Variants in IGSF21 observed in about 807,000 individuals in gnomAD.
IGSF21 encodes the protein immunoglobulin superfamily member 21.
A neutral mutation model predicts 46.8 loss-of-function variants in IGSF21; 28 were observed. That is an observed-to-expected ratio of 0.60 (90% CI 0.44 to 0.82). The LOEUF is 0.82. IGSF21 is among the 40% of genes least tolerant of loss of function. The pLI is 0.00. For missense variants in IGSF21, 624 were observed against 665.5 expected (o/e 0.94, Z 0.69); for synonymous variants, 284 against 273.6 (o/e 1.04, Z -0.38).
At chr1:18,273,050 T>TC in intron 2 of IGSF21, among the ~76,000 whole-genome samples, 1 of 145,282 alleles carries the variant, frequency 6.9e-6, no homozygotes, top group Non-Finnish European at 1.5e-5. Context: ...TTTTTTTTTT[T>TC]TTTTTTTTTT....
intron 1 of IGSF21, among the ~76,000 whole-genome samples, chr1:18,129,762 T>C (rs1339181174): frequency 2.0e-5 from 3 of 152,220 alleles, no homozygotes; most frequent in Non-Finnish European, 4.4e-5. Context: ...TGTTGAAATT[T>C]AATTGCCATT....
At chr1:18,310,485 A>G (rs182875355) in intron 3 of IGSF21, among the ~76,000 whole-genome samples, 1 of 152,234 alleles carries the variant, frequency 6.6e-6, no homozygotes, top group East Asian at 1.9e-4. Flanking sequence ...TAGTTTATTT[A>G]CCTATTCTCC....
At chr1:18,151,697 A>G (rs867080027) in intron 1 of IGSF21, among the ~76,000 whole-genome samples, 3 of 151,950 alleles carry the variant, frequency 2.0e-5, no homozygotes, top group South Asian at 4.2e-4. Flanking sequence ...CATGGACCAC[A>G]ACTGACTCAC....
intron 1 of IGSF21, among the ~76,000 whole-genome samples, chr1:18,138,024 T>C (rs1269136669): frequency 6.6e-6 from 1 of 152,130 alleles, no homozygotes; most frequent in Non-Finnish European, 1.5e-5. Context: ...GGCCATCTTC[T>C]TTCTCTCCCT....
At chr1:18,369,844 G>A (rs1244161415) in intron 6 of IGSF21, among the ~76,000 whole-genome samples, 2 of 152,170 alleles carry the variant, frequency 1.3e-5, no homozygotes, top group African/African-American at 4.8e-5. Context: ...AGCTGTTTGT[G>A]CCTCTTCTCA....
chr1:18,339,774 C>T (rs1239458689), intron 4 of IGSF21, among the ~76,000 whole-genome samples: 1 of 152,180 alleles, frequency 6.6e-6, no homozygotes, highest in Non-Finnish European at 1.5e-5. Context: ...CAACGAATTC[C>T]GATGGATGGG....
intron 3 of IGSF21, among the ~76,000 whole-genome samples, chr1:18,318,716 A>C (rs1179893708): frequency 6.6e-6 from 1 of 152,166 alleles, no homozygotes; most frequent in Admixed American, 6.5e-5. Context: ...CTTACAAACC[A>C]GGGACTCACA....
rs565369509 is a variant in IGSF21, at chr1:18,275,305, G to A, written c.184-16561G>A. On this transcript the variant is annotated intron_variant, in intron 2 of 9. Coordinates refer to ENST00000251296, the MANE Select transcript of IGSF21 (RefSeq NM_032880.5). ...CCAGGGATCTAAGCTGGGGCTTGGC[G>A]TCTCCAATCCCCAAGCCAAACCTCC... Among the ~76,000 whole-genome samples, 27 of 152,216 alleles carry A rather than the reference G, an allele frequency of 1.8e-4. No individual in the cohort carries two copies. The South Asian group carries it at 5.6e-3, about 32-fold the overall frequency.
intron 1 of IGSF21, among the ~76,000 whole-genome samples, chr1:18,202,058 C>G (rs774644347): frequency 6.6e-6 from 1 of 152,204 alleles, no homozygotes; most frequent in African/African-American, 2.4e-5. Context: ...CTTCCCAGCT[C>G]ATTTCTGCTT....
At chr1:18,200,891 G>A (rs1015071173) in intron 1 of IGSF21, among the ~76,000 whole-genome samples, 1 of 152,306 alleles carries the variant, frequency 6.6e-6, no homozygotes, top group Admixed American at 6.5e-5. Flanking sequence ...GCCCCATGAG[G>A]AGGGATAATG....
intron 8 of IGSF21, 91 bp downstream of exon 8, chr1:18,377,083 C>T: frequency 7.1e-7 from 1 of 1,406,436 alleles, no homozygotes; most frequent in Non-Finnish European, 9.5e-7. Context: ...CAGTAGGGGC[C>T]CAAAATTTTG....
intron 2 of IGSF21, among the ~76,000 whole-genome samples, chr1:18,270,255 G>C (rs1281205025): frequency 6.6e-6 from 1 of 152,176 alleles, no homozygotes; most frequent in African/African-American, 2.4e-5. Flanking sequence ...CTCCTTTGAA[G>C]ACCTCAATTT....
chr1:18,328,892 G>A (rs2085684440), intron 3 of IGSF21, among the ~76,000 whole-genome samples: 1 of 152,166 alleles, frequency 6.6e-6, no homozygotes, highest in South Asian at 2.1e-4. Flanking sequence ...AACTCGTGTG[G>A]GGCGTGGAGA....
rs79443663 is a variant in IGSF21, at chr1:18,167,399, T to A, written c.70+59201T>A. Reference sequence around the variant, plus strand: ...CCAAGACTTGAAAAGGTGAAATTGTTTACCCAAAGTCCAACTAGGAACTAG... The same window carrying A: ...CCAAGACTTGAAAAGGTGAAATTGTATACCCAAAGTCCAACTAGGAACTAG... On this transcript the variant is annotated intron_variant, in intron 1 of 9. Coordinates refer to ENST00000251296, the MANE Select transcript of IGSF21 (RefSeq NM_032880.5). Among the ~76,000 whole-genome samples, 481 of 152,190 alleles carry A rather than the reference T, an allele frequency of 3.2e-3. 1 individual carries two copies. The highest frequency in any genetic ancestry group is 0.011 in the African/African-American group (453 of 41,542).
At chr1:18,318,209 AT>A (rs1367068129) in intron 3 of IGSF21, among the ~76,000 whole-genome samples, 3 of 152,188 alleles carry the variant, frequency 2.0e-5, no homozygotes, top group African/African-American at 7.2e-5. Flanking sequence ...AGCTGTGGGA[AT>A]GAGGAAGAAG....
Position 18,107,940 on chromosome 1 carries a change from C to G in IGSF21, c.-189C>G, listed in dbSNP as rs1403138620. Reference sequence around the variant, plus strand: ...TCGCTGCGCCTCGCAGAGCCGGAGCCGAGTCGAGCCGGGCGCCCGGGCTGC... The same window carrying G: ...TCGCTGCGCCTCGCAGAGCCGGAGCGGAGTCGAGCCGGGCGCCCGGGCTGC... On this transcript the variant is annotated 5_prime_UTR_variant, in exon 1 of 10. Transcript: ENST00000251296. The G allele has an allele frequency of 5.3e-6, 1 of 190,280 alleles. No individual in the cohort carries two copies. Among genetic ancestry groups the G allele is most frequent in the Non-Finnish European group, 1.1e-5 (1 of 94,498 alleles). 11.8% of individuals were successfully genotyped at this position (190,280 alleles called of 1,614,324 possible). A position where few individuals can be genotyped will look rare whatever the true frequency, so the allele number is the denominator to read the frequency against.
At chr1:18,247,985 C>A (rs912665178) in intron 2 of IGSF21, among the ~76,000 whole-genome samples, 2 of 152,148 alleles carry the variant, frequency 1.3e-5, no homozygotes, top group African/African-American at 4.8e-5. Context: ...TCTGCCCAGG[C>A]AAATAGAGCC....
Position 18,325,892 on chromosome 1 carries a change from G to A in IGSF21, c.306-9000G>A, listed in dbSNP as rs1455909059. The stretch of plus-strand genomic sequence containing the variant: ...ATGCCGTGAGGGCAGCCGGGGATAG[G>A]CAGCAGCCAGGGCTGGCTGAGCAGG... On this transcript the variant is annotated intron_variant, in intron 3 of 9. Coordinates refer to ENST00000251296, the MANE Select transcript of IGSF21 (RefSeq NM_032880.5). Among the ~76,000 whole-genome samples, 6 of 152,146 alleles carry A rather than the reference G, an allele frequency of 3.9e-5. No individual in the cohort carries two copies. The East Asian group carries it at 1.2e-3, about 29-fold the overall frequency.
intron 3 of IGSF21, among the ~76,000 whole-genome samples, chr1:18,327,813 C>T (rs223170): frequency 0.61 from 92,807 of 151,980 alleles, 30,607 homozygotes; most frequent in African/African-American, 0.88. Context: ...TGGCAATGGT[C>T]TCAATACATT....
Sources: allele counts gnomAD v4.1 joint callset (sites outside exome capture counted in the v4.1 genomes callset), GRCh38; gene constraint gnomAD v4.1.1; transcripts MANE v1.5; gene names NCBI Gene and HGNC (gene_info 2026-07-23, HGNC 2026-07-21).